Variants in RBFOX1 observed in about 807,000 individuals in gnomAD.
The protein encoded by RBFOX1 is RNA binding protein fox-1 homolog 1.
RBFOX1 carries 8 observed loss-of-function variants against 57.7 expected under a neutral mutation model. The observed-to-expected ratio is 0.14, with a 90% CI of 0.08 to 0.25. The LOEUF (loss-of-function observed/expected upper bound fraction) is 0.25. Among genes scored for constraint, RBFOX1 ranks in the 10% least tolerant of loss-of-function variants. RBFOX1 has a pLI of 1.00. For missense variants in RBFOX1, 611 were observed against 548.5 expected (o/e 1.11, Z -1.14); for synonymous variants, 326 against 222.4 (o/e 1.47, Z -4.15).
rs376970275 is a variant in RBFOX1, at chr16:6,722,425, C to T, written c.-16+67775C>T. 1.1e-4 allele frequency among the ~76,000 whole-genome samples: 16 copies of T among 152,280 alleles called. No individual in the cohort carries two copies. The East Asian group carries it at 1.5e-3, about 15-fold the overall frequency. ...CTTAGGAAGTATATTATTTGCAGAG[C>T]AGCTGGAAACATCTCATTCTCTTCC... On this transcript the variant is annotated intron_variant, in intron 3 of 15. Transcript: ENST00000550418.
intron 4 of RBFOX1, among the ~76,000 whole-genome samples, chr16:7,222,382 C>G (rs776690918): frequency 1.1e-4 from 17 of 152,198 alleles, no homozygotes; most frequent in South Asian, 4.1e-4. Flanking sequence ...ATACATTCCT[C>G]AGCAACTAGA....
intron 11 of RBFOX1, among the ~76,000 whole-genome samples, chr16:7,632,232 T>A (rs1305556655): frequency 6.6e-6 from 1 of 152,170 alleles, no homozygotes; most frequent in East Asian, 1.9e-4. Context: ...TTAATGGCAA[T>A]TTTGGCATTA....
At position 7,112,379 on chromosome 16, in the gene RBFOX1, T is replaced by G. The variant is rs1322103380; in HGVS notation, c.27+60281T>G. Among the ~76,000 whole-genome samples the G allele has an allele frequency of 0.014, 22 of 1,574 alleles. No individual in the cohort carries two copies. The East Asian group carries it at 0.5, about 36-fold the overall frequency. 1.0% of individuals were successfully genotyped at this position (1,574 alleles called of 152,430 possible). The stretch of plus-strand genomic sequence containing the variant: ...CACCACACCTGGCTAATTTTTTGTA[T>G]TTTTTTTTTTTTTTGTAGAGACGTG... On this transcript the variant is annotated intron_variant, in intron 4 of 15. Transcript: ENST00000550418.
At chr16:6,976,081 C>A (rs116092503) in intron 3 of RBFOX1, among the ~76,000 whole-genome samples, 1 of 152,096 alleles carries the variant, frequency 6.6e-6, no homozygotes, top group Non-Finnish European at 1.5e-5. Flanking sequence ...GAGCCAAGAT[C>A]GTCCCACTGC....
chr16:5,876,090 G>T (rs1465267801), intron 4 of RBFOX1, among the ~76,000 whole-genome samples: 1 of 152,022 alleles, frequency 6.6e-6, no homozygotes. Flanking sequence ...TGATCCACCC[G>T]CCTTGGCCTC....
At chr16:6,361,283 A>G (rs1490830557) in intron 2 of RBFOX1, among the ~76,000 whole-genome samples, 1 of 152,148 alleles carries the variant, frequency 6.6e-6, no homozygotes, top group African/African-American at 2.4e-5. Context: ...TGGGGAAAAG[A>G]TGTAGACAAG....
chr16:5,369,049 T>G (rs508639), intron 1 of RBFOX1, among the ~76,000 whole-genome samples: 106,055 of 152,104 alleles, frequency 0.7, 37,167 homozygotes, highest in East Asian at 0.75. Flanking sequence ...TTGCCCAGGC[T>G]GGAGTGCAGT....
At chr16:7,089,897 A>AT (rs1038476101) in intron 4 of RBFOX1, among the ~76,000 whole-genome samples, 7 of 99,048 alleles carry the variant, frequency 7.1e-5, no homozygotes, top group East Asian at 6.6e-4. Context: ...TTTAATTCAG[A>AT]TTTTTTTTCT....
chr16:6,968,533 A>C (rs878858779), intron 3 of RBFOX1, among the ~76,000 whole-genome samples: 12 of 152,098 alleles, frequency 7.9e-5, no homozygotes, highest in Non-Finnish European at 8.8e-5. Context: ...AGCAGTCTTA[A>C]AGATTTAGAA....
intron 4 of RBFOX1, among the ~76,000 whole-genome samples, chr16:7,241,746 C>T (rs978679907): frequency 2.6e-5 from 4 of 152,032 alleles, no homozygotes; most frequent in South Asian, 2.1e-4. Context: ...AACACACACA[C>T]ATGCCCATTT....
intron 3 of RBFOX1, among the ~76,000 whole-genome samples, chr16:6,750,400 C>T (rs1203064672): frequency 1.3e-5 from 2 of 152,168 alleles, no homozygotes; most frequent in Admixed American, 1.3e-4. Context: ...AAAATAGCAG[C>T]AGAAGCTGAA....
intron 2 of RBFOX1, among the ~76,000 whole-genome samples, chr16:5,512,269 G>A (rs2043621723): frequency 6.6e-6 from 1 of 152,188 alleles, no homozygotes; most frequent in Non-Finnish European, 1.5e-5. Context: ...AGAGACAAAA[G>A]GCACTGGAGG....
rs573038333 is a variant in RBFOX1 at position 6,853,837 on chromosome 16, G to C, written c.-15-198220G>C. ...TCCCCAACGGATGACTGACATTACA[G>C]TGTGGTGACAAATGATGAGTATGGT... On this transcript the variant is annotated intron_variant, in intron 3 of 15. Transcript: ENST00000550418. Among the ~76,000 whole-genome samples, 9 of 152,304 alleles carry C rather than the reference G, an allele frequency of 5.9e-5. No homozygotes were observed. In the East Asian group the frequency reaches 1.4e-3, roughly 23 times the overall value.
chr16:7,631,217 A>C (rs2060901374), intron 11 of RBFOX1, among the ~76,000 whole-genome samples: 1 of 152,166 alleles, frequency 6.6e-6, no homozygotes. Context: ...TTCCCCCCTC[A>C]TTTAATCAAG....
Position 7,684,599 on chromosome 16 carries a change from G to A in RBFOX1, c.995+7761G>A, listed in dbSNP as rs968364696. Reference sequence around the variant, plus strand: ...GATAAGCTAAATCAGTGGTTCTAACGGGTCTTGGGGACCTGGAATTTAAAG... The same window carrying A: ...GATAAGCTAAATCAGTGGTTCTAACAGGTCTTGGGGACCTGGAATTTAAAG... On this transcript the variant is annotated intron_variant, in intron 14 of 15. Coordinates refer to ENST00000550418, the MANE Select transcript of RBFOX1 (RefSeq NM_018723.4). Among the ~76,000 whole-genome samples the A allele has an allele frequency of 2.8e-5, 4 of 144,528 alleles. 1 individual carries two copies. In the East Asian group the frequency reaches 5.9e-4, roughly 21 times the overall value. 94.8% of individuals were successfully genotyped at this position (144,528 alleles called of 152,430 possible). A position where few individuals can be genotyped will look rare whatever the true frequency, so the allele number is the denominator to read the frequency against.
chr16:5,947,225 A>G lies in RBFOX1; in HGVS notation c.351+79890A>G, dbSNP rs1366624022. 6.6e-6 allele frequency among the ~76,000 whole-genome samples: 1 copy of G among 152,122 alleles called. No homozygotes were observed. Among genetic ancestry groups the G allele is most frequent in the African/African-American group, 2.4e-5 (1 of 41,414 alleles). On this transcript the variant is annotated intron_variant, in intron 4 of 19. Transcript: ENST00000641259. The surrounding 1 kb of genome is among the most constrained non-coding windows in gnomAD (Gnocchi z 7.2). The stretch of plus-strand genomic sequence containing the variant: ...AGTGAGACTCTGTCTCTAAAACAAA[A>G]CAAACCAGAAGAAAGGCTACTAAGG...
intron 1 of RBFOX1, among the ~76,000 whole-genome samples, chr16:5,257,153 GAAAC>G (rs35816252): frequency 0.33 from 50,190 of 151,102 alleles, 8,467 homozygotes; most frequent in African/African-American, 0.41. Flanking sequence ...AAAAAACCAA[GAAAC>G]AAACAAACAA....
chr16:5,508,994 A>G (rs1420659391), intron 2 of RBFOX1, among the ~76,000 whole-genome samples: 1 of 152,144 alleles, frequency 6.6e-6, no homozygotes, highest in Non-Finnish European at 1.5e-5. Flanking sequence ...CCAGGGTCCT[A>G]TTGTTAACTG....
chr16:6,491,438 T>C (rs1488443784), intron 2 of RBFOX1, among the ~76,000 whole-genome samples: 2 of 152,184 alleles, frequency 1.3e-5, no homozygotes, highest in Non-Finnish European at 2.9e-5. Context: ...TGAAATTTTC[T>C]TAGGAATCTA....
Sources: allele counts gnomAD v4.1 joint callset (sites outside exome capture counted in the v4.1 genomes callset), GRCh38; gene constraint gnomAD v4.1.1; non-coding constraint Gnocchi (gnomAD v3.1); transcripts MANE v1.5; gene names NCBI Gene and HGNC (gene_info 2026-07-23, HGNC 2026-07-21).